The following DBX1 variants were observed in gnomAD, a reference collection of about 807,000 sequenced individuals.
DBX1 encodes the protein developing brain homeobox 1, also known as homeobox protein DBX1.
DBX1 carries 10 observed loss-of-function variants against 20.8 expected under a neutral mutation model. The ratio of observed to expected loss-of-function variants is 0.48; its 90% confidence interval spans 0.30 to 0.82. DBX1 has a LOEUF of 0.82. Among genes scored for constraint, DBX1 ranks in the 40% least tolerant of loss-of-function variants. The pLI, the probability that DBX1 is intolerant of heterozygous loss-of-function variation, is 0.07. For synonymous variants in DBX1, 241 were observed against 213.9 expected, an observed-to-expected ratio of 1.13 and a Z score of -1.11; for missense variants, 505 against 468.8, an observed-to-expected ratio of 1.08 and a Z score of -0.71.
chr11:20,160,030 A>G lies in DBX1; in HGVS notation c.295T>C (p.Phe99Leu). The G allele has an allele frequency of 1.2e-6, 2 of 1,606,166 alleles. No homozygotes were observed. The highest frequency in any genetic ancestry group is 1.7e-6 in the Non-Finnish European group (2 of 1,176,516). The change falls in exon 1 of 4, where the codon TTC becomes CTC. Residue 99 changes from phenylalanine (F) to leucine (L), a missense_variant. Physicochemically the swap from Phe to Leu is conservative, Grantham distance 22. Transcript: ENST00000524983. ...AACGTCGTCTCGCTGGCAGGGGAGA[A>G]GGCAGTCGGCGGAGAGCCGCCCCGT... ...SRRGGSPPTA[F>L]SPASETTFLK...
Position 20,156,699 on chromosome 11 carries a change from AC to A in DBX1, c.673-127del, listed in dbSNP as rs2063660065. The A allele has an allele frequency of 2.9e-6, 4 of 1,391,412 alleles. No individual in the cohort carries two copies. Among genetic ancestry groups the A allele is most frequent in the East Asian group, 4.6e-5 (2 of 43,662 alleles). The allele number at this position is 1,391,412 out of a possible 1,614,324, so 86.2% of individuals were successfully genotyped here. A position where few individuals can be genotyped will look rare whatever the true frequency, so the allele number is the denominator to read the frequency against. ...GTCCTTCGGGCTGTGTCCTCTCCCC[AC>A]CCCCAGAAATGAGTTCCGGTGGATT... On this transcript the variant is annotated intron_variant, in intron 3 of 3. Transcript: ENST00000524983. This position sits in a 1 kb window ranked among gnomAD's most constrained non-coding sequence, Gnocchi z 4.8.
Position 20,156,383 on chromosome 11 carries a change from C to A in DBX1, c.863G>T (p.Arg288Leu), listed in dbSNP as rs746893276. ...GTCGGAGGACGCGTGGTAGGCCAGG[C>A]GGTGGCTGGGGCTGCCCGGGCCCTC... ...EEEGPGSPSH[R>L]LAYHASSDPQ... Residue 288 changes from arginine to leucine, a missense_variant, in exon 4 of 4, where the codon CGC (arginine) becomes CTC (leucine). Arg to Leu is a moderately radical substitution (Grantham distance 102). Transcript: ENST00000524983. The surrounding 1 kb of genome is among the most constrained non-coding windows in gnomAD (Gnocchi z 4.8). 1 of 1,607,106 alleles carries A rather than the reference C, an allele frequency of 6.2e-7. No individual in the cohort carries two copies. Among genetic ancestry groups the A allele is most frequent in the African/African-American group, 1.3e-5 (1 of 74,806 alleles).
rs1278784348 is a variant in DBX1 at position 20,160,120 on chromosome 11, C to A, written c.205G>T (p.Gly69Trp). ...GTGTCGGTGAGGGCCGTGGGGGCCCCCTGCCTGGGCGGCGACATGCTGGCG... is the reference window on the plus strand; with the variant it reads ...GTGTCGGTGAGGGCCGTGGGGGCCCACTGCCTGGGCGGCGACATGCTGGCG... ...PTASMSPPRQGAPTALTDTGA... is the reference protein window; with the variant it reads ...PTASMSPPRQWAPTALTDTGA... Residue 69 changes from glycine to tryptophan, a missense_variant, in exon 1 of 4, where the codon GGG becomes TGG. Physicochemically the swap from Gly to Trp is radical, Grantham distance 184. Coordinates refer to ENST00000524983, the MANE Select transcript of DBX1 (RefSeq NM_001029865.4). 6.5e-7 allele frequency: 1 copy of A among 1,549,384 alleles called. No individual in the cohort carries two copies. The highest frequency in any genetic ancestry group is 1.4e-5 in the African/African-American group (1 of 72,928).
chr11:20,160,304 G>A lies in DBX1; in HGVS notation c.21C>T (p.Leu7=). 1.3e-6 allele frequency: 2 copies of A among 1,525,198 alleles called. No individual in the cohort carries two copies. The highest frequency in any genetic ancestry group is 1.2e-5 in the South Asian group (1 of 82,510). The allele number at this position is 1,525,198 out of a possible 1,614,324, so 94.5% of individuals were successfully genotyped here. ...GGCTAGGGTACCCGGCGGGGGGCGC[G>A]AGGAGGCCGGGGAACATCATGGTAG... MMFPGL[L]APPAGYPSLL... The change falls in exon 1 of 4, where the codon CTC becomes CTT. Residue 7 remains leucine (L), a synonymous_variant. Coordinates refer to ENST00000524983, the MANE Select transcript of DBX1 (RefSeq NM_001029865.4).
Position 20,157,060 on chromosome 11 carries a change from TGGCCGCCAGCTTCTTGCGGTCG to T in DBX1, c.627_648del (p.Asp210SerfsTer4). 1 of 1,613,958 alleles carries T rather than the reference TGGCCGCCAGCTTCTTGCGGTCG, an allele frequency of 6.2e-7. No individual in the cohort carries two copies. The highest frequency in any genetic ancestry group is 8.5e-7 in the Non-Finnish European group (1 of 1,180,006). ...ACCTGCGAGTCTTTCAGGCCCAGCTTGGCCGCCAGCTTCTTGCGGTCGGGCTTGCTGATGTACTTCTGCTTCT... is the reference window on the plus strand; with the variant it reads ...ACCTGCGAGTCTTTCAGGCCCAGCTTGGCTTGCTGATGTACTTCTGCTTCT... On this transcript the variant is annotated frameshift_variant, in exon 3 of 4. Coordinates refer to ENST00000524983, the MANE Select transcript of DBX1 (RefSeq NM_001029865.4). LOFTEE classifies it low-confidence loss of function (END_TRUNC).
Position 20,157,121 on chromosome 11 carries a change from C to G in DBX1, c.588G>C (p.Leu196=), listed in dbSNP as rs2063663519. 6.2e-7 allele frequency: 1 copy of G among 1,613,698 alleles called. No individual in the cohort carries two copies. Residue 196 remains leucine, a synonymous_variant, in exon 3 of 4, where the codon CTG becomes CTC. Transcript: ENST00000524983. ...ACTTCTGCTTCTGGAACATCTTCTC[C>G]AGCGCCTTCCGCTGCACGTCGGAGA... The part of the protein sequence containing the change: ...AVFSDVQRKA[L]EKMFQKQKYI...
rs2063660269 is a variant in DBX1 at position 20,156,738 on chromosome 11, C to T, written c.673-165G>A. ...GTTCCGGTGGATTCCCGCATTGACT[C>T]CGCCCCCGCCTCAGCTCGCGGTTCC... On this transcript the variant is annotated intron_variant, in intron 3 of 3. Coordinates refer to ENST00000524983, the MANE Select transcript of DBX1 (RefSeq NM_001029865.4). This position sits in a 1 kb window ranked among gnomAD's most constrained non-coding sequence, Gnocchi z 4.8. 9.0e-7 allele frequency: 1 copy of T among 1,114,702 alleles called. No individual in the cohort carries two copies. The highest frequency in any genetic ancestry group is 1.5e-5 in the African/African-American group (1 of 65,418). 69.1% of individuals were successfully genotyped at this position (1,114,702 alleles called of 1,614,324 possible).
intron 2 of DBX1, among the ~76,000 whole-genome samples, chr11:20,158,902 G>A (rs1166627870): frequency 6.6e-6 from 1 of 152,176 alleles, no homozygotes; most frequent in African/African-American, 2.4e-5. Context: ...GGCGTGAAGG[G>A]ATGCCAACAG....
At chr11:20,157,551 A>G (rs113523117) in intron 2 of DBX1, among the ~76,000 whole-genome samples, 11 of 152,358 alleles carry the variant, frequency 7.2e-5, no homozygotes, top group African/African-American at 2.2e-4. Context: ...CAACTAAAAC[A>G]GCAATAGAAA....
In DBX1 at chr11:20,160,094, C is replaced by T; in HGVS notation, c.231G>A (p.Thr77=). 1.3e-6 allele frequency: 2 copies of T among 1,558,708 alleles called. No homozygotes were observed. Among genetic ancestry groups the T allele is most frequent in the South Asian group, 1.2e-5 (1 of 85,136 alleles). Residue 77 remains threonine, a synonymous_variant, in exon 1 of 4, where the codon ACG becomes ACA. Transcript: ENST00000524983. ...CCGGGGAGCCCAGGTCCGAGGCCCC[C>T]GTGTCGGTGAGGGCCGTGGGGGCCC... ...RQGAPTALTD[T]GASDLGSPGP...
At chr11:20,158,572 G>T (rs1386163206) in intron 2 of DBX1, among the ~76,000 whole-genome samples, 1 of 151,204 alleles carries the variant, frequency 6.6e-6, no homozygotes, top group Non-Finnish European at 1.5e-5. Context: ...TTATAATACA[G>T]GGTGGGAAAG....
In DBX1 at chr11:20,160,063, C is replaced by T. The variant is rs750679549; in HGVS notation, c.262G>A (p.Gly88Ser). The T allele has an allele frequency of 3.2e-6, 5 of 1,576,024 alleles. No homozygotes were observed. In the Admixed American group the frequency reaches 9.2e-5, roughly 29 times the overall value. The change falls in exon 1 of 4, where the codon GGC (glycine) becomes AGC (serine). Residue 88 changes from glycine to serine, a missense_variant. Physicochemically the swap from Gly to Ser is moderately conservative, Grantham distance 56. Transcript: ENST00000524983. Reference protein sequence around the residue: ...GASDLGSPGPGSRRGGSPPTA... With the variant: ...GASDLGSPGPSSRRGGSPPTA... The stretch of plus-strand genomic sequence containing the variant: ...GGCGGAGAGCCGCCCCGTCGGCTGC[C>T]GGGACCCGGGGAGCCCAGGTCCGAG...
intron 2 of DBX1, 101 bp downstream of exon 2, chr11:20,159,090 C>T (rs1272180902): frequency 3.6e-6 from 3 of 838,740 alleles, no homozygotes; most frequent in South Asian, 3.0e-5. Context: ...CAGAGCATAA[C>T]CCCGAGGGGT....
chr11:20,158,431 T>C (rs945321208), intron 2 of DBX1, among the ~76,000 whole-genome samples: 1 of 152,176 alleles, frequency 6.6e-6, no homozygotes, highest in Non-Finnish European at 1.5e-5. Context: ...TTTTGAGCCA[T>C]AGTTTGAATC....
Position 20,160,381 on chromosome 11 carries a change from C to T in DBX1, c.-57G>A. 6.9e-7 allele frequency: 1 copy of T among 1,449,396 alleles called. No homozygotes were observed. The highest frequency in any genetic ancestry group is 1.4e-5 in the African/African-American group (1 of 69,710). 89.8% of individuals were successfully genotyped at this position (1,449,396 alleles called of 1,614,324 possible). ...TTCAGTGGCCGGAGGGTAAACGCCT[C>T]GCTTCCCGCCCCTCCCGCCCCCACA... On this transcript the variant is annotated 5_prime_UTR_variant, in exon 1 of 4. Coordinates refer to ENST00000524983, the MANE Select transcript of DBX1 (RefSeq NM_001029865.4).
rs1244252859 is a variant in DBX1 at position 20,156,470 on chromosome 11, A to C, written c.776T>G (p.Leu259Arg). The change falls in exon 4 of 4, where the codon CTC becomes CGC. Residue 259 changes from leucine to arginine, a missense_variant. Leu to Arg is a moderately radical substitution (Grantham distance 102). Coordinates refer to ENST00000524983, the MANE Select transcript of DBX1 (RefSeq NM_001029865.4). This position sits in a 1 kb window ranked among gnomAD's most constrained non-coding sequence, Gnocchi z 4.8. ...GCREQTLPTK[L>R]NPHPDLSDVG... The stretch of plus-strand genomic sequence containing the variant: ...GTCGCTGAGGTCCGGGTGCGGATTG[A>C]GCTTGGTGGGCAGGGTCTGCTCGCG... 6.2e-7 allele frequency: 1 copy of C among 1,613,166 alleles called. No homozygotes were observed. Among genetic ancestry groups the C allele is most frequent in the East Asian group, 2.2e-5 (1 of 44,860 alleles).
chr11:20,157,263 A>T, intron 2 of DBX1, 24 bp from the exon 3 acceptor site: 1 of 1,538,986 alleles, frequency 6.5e-7, no homozygotes. Context: ...GGAGGTGGCG[A>T]GTGAGTGGGC....
Position 20,156,962 on chromosome 11 carries a change from C to A in DBX1, c.672+75G>T. The A allele has an allele frequency of 6.6e-7, 1 of 1,506,524 alleles. No homozygotes were observed. 93.3% of individuals were successfully genotyped at this position (1,506,524 alleles called of 1,614,324 possible). On this transcript the variant is annotated intron_variant, in intron 3 of 3. Transcript: ENST00000524983. The surrounding 1 kb of genome is among the most constrained non-coding windows in gnomAD (Gnocchi z 4.8). ...GTGGGACCTAAGCCGTTTCCGAACCCTTGCAATTGACGGGTGCGCCGGGGA... is the reference window on the plus strand; with the variant it reads ...GTGGGACCTAAGCCGTTTCCGAACCATTGCAATTGACGGGTGCGCCGGGGA...
At chr11:20,157,008 G>C (rs2063662211) in intron 3 of DBX1, 29 bp downstream of exon 3, 1 of 1,605,904 alleles carries the variant, frequency 6.2e-7, no homozygotes, top group African/African-American at 1.4e-5. Flanking sequence ...GCGGGGGCGG[G>C]GGGGGTGCTG....
Sources: allele counts gnomAD v4.1 joint callset (sites outside exome capture counted in the v4.1 genomes callset), GRCh38; gene constraint gnomAD v4.1.1; non-coding constraint Gnocchi (gnomAD v3.1); transcripts MANE v1.5; gene names NCBI Gene and HGNC (gene_info 2026-07-23, HGNC 2026-07-21).